Variants in FANCA observed in about 807,000 individuals in gnomAD.
The protein encoded by FANCA is Fanconi anemia group A protein.
A neutral mutation model predicts 194.3 loss-of-function variants in FANCA; 236 were observed. The observed-to-expected ratio is 1.21, with a 90% confidence interval of 1.09 to 1.35. The LOEUF is 1.35. Ranked by LOEUF, FANCA falls within the 40% of genes most tolerant of loss-of-function variation. The pLI, the probability that FANCA is intolerant of heterozygous loss-of-function variation, is 0.00. For missense variants in FANCA, 2,628 were observed against 1,813.9 expected, an observed-to-expected ratio of 1.45 and a Z score of -8.15; for synonymous variants, 1,014 against 715.8, an observed-to-expected ratio of 1.42 and a Z score of -6.65.
intron 14 of FANCA, among the ~76,000 whole-genome samples, chr16:89,785,408 G>A (rs1297343604): frequency 1.3e-5 from 2 of 152,188 alleles, no homozygotes; most frequent in African/African-American, 4.8e-5. Flanking sequence ...AGCCACTTCT[G>A]AACACACTTT....
intron 23 of FANCA, 23 bp downstream of exon 23, chr16:89,771,655 T>C (rs1408220184): frequency 6.2e-7 from 1 of 1,613,722 alleles, no homozygotes; most frequent in Non-Finnish European, 8.5e-7. Context: ...ACCCCCTGCT[T>C]TGTTCTGAGC....
intron 21 of FANCA, among the ~76,000 whole-genome samples, chr16:89,774,566 TA>T (rs2039430639): frequency 6.6e-6 from 1 of 150,646 alleles, no homozygotes; most frequent in African/African-American, 2.4e-5. Context: ...CTGTCTCTAC[TA>T]AAAACACAAA....
intron 8 of FANCA, among the ~76,000 whole-genome samples, chr16:89,802,073 A>G (rs991600288): frequency 2.0e-4 from 31 of 152,192 alleles, no homozygotes; most frequent in African/African-American, 7.2e-4. Flanking sequence ...ACAAGAGATG[A>G]CCGGATACAG....
chr16:89,771,934 T>G, intron 22 of FANCA, 120 bp from the exon 23 acceptor site: 1 of 1,180,918 alleles, frequency 8.5e-7, no homozygotes, highest in Non-Finnish European at 1.2e-6. Flanking sequence ...ACTGCACACA[T>G]CCCCCAGCCA....
chr16:89,784,136 C>A (rs927671900), intron 15 of FANCA, among the ~76,000 whole-genome samples: 1 of 151,922 alleles, frequency 6.6e-6, no homozygotes, highest in African/African-American at 2.4e-5. Context: ...GAGGCCAAGG[C>A]GGAAGGATCA....
At chr16:89,753,557 T>C (rs1308610430) in intron 30 of FANCA, among the ~76,000 whole-genome samples, 1 of 152,214 alleles carries the variant, frequency 6.6e-6, no homozygotes, top group Non-Finnish European at 1.5e-5. Context: ...GAAAAAGCAC[T>C]TGACGAAATG....
intron 36 of FANCA, among the ~76,000 whole-genome samples, chr16:89,743,392 A>G (rs766940815): frequency 9.2e-5 from 14 of 152,202 alleles, no homozygotes; most frequent in Non-Finnish European, 8.8e-5. Flanking sequence ...AAATTAATGA[A>G]ACAATGCTGT....
At chr16:89,773,448 GA>G in intron 21 of FANCA, 64 bp from the exon 22 acceptor site, 1 of 1,152,114 alleles carries the variant, frequency 8.7e-7, no homozygotes. Flanking sequence ...TGCAAAAATA[GA>G]AACTTCACAC....
At chr16:89,739,441 ACTGCCCAGCC>A (rs1472162126) in intron 40 of FANCA, 27 bp downstream of exon 40, 4 of 1,553,228 alleles carry the variant, frequency 2.6e-6, no homozygotes, top group Admixed American at 3.9e-5. Context: ...TCTGGGAAAC[ACTGCCCAGCC>A]CTGACCAGCC....
intron 14 of FANCA, among the ~76,000 whole-genome samples, chr16:89,790,501 C>G (rs535793508): frequency 1.0e-4 from 15 of 148,858 alleles, no homozygotes; most frequent in Non-Finnish European, 2.2e-4. Context: ...GAGGACAAGA[C>G]GGGCGGATCA....
chr16:89,752,050 G>A (rs530549269), intron 31 of FANCA, 88 bp downstream of exon 31: 19 of 1,196,946 alleles, frequency 1.6e-5, no homozygotes, highest in East Asian at 1.2e-4. Flanking sequence ...GATTACAGGC[G>A]TGAGCCACCG....
intron 24 of FANCA, 149 bp from the exon 25 acceptor site, chr16:89,770,408 G>A (rs1332132053): frequency 1.2e-5 from 12 of 1,017,454 alleles, no homozygotes; most frequent in Admixed American, 2.0e-5. Context: ...CTTCTGCAGT[G>A]CTTCCCAACT....
At chr16:89,752,966 G>A (rs1006526795) in intron 30 of FANCA, among the ~76,000 whole-genome samples, 8 of 152,188 alleles carry the variant, frequency 5.3e-5, no homozygotes, top group Non-Finnish European at 7.4e-5. Context: ...AGACTCGCCC[G>A]CAGTTATCCG....
intron 17 of FANCA, among the ~76,000 whole-genome samples, chr16:89,780,352 T>A (rs1049875718): frequency 1.1e-4 from 16 of 152,174 alleles, no homozygotes; most frequent in Admixed American, 6.5e-4. Context: ...CTGGGTGCCA[T>A]GACTCATGTC....
At chr16:89,757,283 T>C (rs979481611) in intron 30 of FANCA, among the ~76,000 whole-genome samples, 22 of 151,574 alleles carry the variant, frequency 1.5e-4, no homozygotes, top group African/African-American at 5.1e-4. Flanking sequence ...GACCTAAGAG[T>C]GGGATTTAAG....
chr16:89,816,187 G>T (rs1368487833), intron 1 of FANCA: 3 of 611,084 alleles, frequency 4.9e-6, no homozygotes, highest in African/African-American at 3.7e-5. Flanking sequence ...GGCCCAGGAG[G>T]GCCCGAGGCA....
rs1398811491 is a variant in FANCA, at chr16:89,792,023, C to CAGG, written c.1128_1129insCCT (p.Gln376_Glu377insPro). The CAGG allele has an allele frequency of 6.2e-7, 1 of 1,614,204 alleles. No individual in the cohort carries two copies. The highest frequency in any genetic ancestry group is 1.1e-5 in the South Asian group (1 of 91,086). On this transcript the variant is annotated inframe_insertion, in exon 13 of 43. Coordinates refer to ENST00000389301, the MANE Select transcript of FANCA (RefSeq NM_000135.4). The stretch of plus-strand genomic sequence containing the variant: ...TGAACCTCCTGCGTTTCCAGAACTT[C>CAGG]TTGCAAATGGCCAACCAACTCCTCT...
chr16:89,807,195 T>C (rs1002824392), intron 6 of FANCA, among the ~76,000 whole-genome samples: 1 of 151,476 alleles, frequency 6.6e-6, no homozygotes, highest in Non-Finnish European at 1.5e-5. Context: ...TTTTTTTTTT[T>C]TTTTTTGAGA....
chr16:89,793,100 C>T (rs915125854), intron 11 of FANCA, among the ~76,000 whole-genome samples: 2 of 152,148 alleles, frequency 1.3e-5, no homozygotes, highest in African/African-American at 2.4e-5. Flanking sequence ...TGTGGGTGAG[C>T]CTGACTGATG....
Sources: allele counts gnomAD v4.1 joint callset (sites outside exome capture counted in the v4.1 genomes callset), GRCh38; gene constraint gnomAD v4.1.1; transcripts MANE v1.5; gene names NCBI Gene and HGNC (gene_info 2026-07-23, HGNC 2026-07-21).